SAMM50: variants seen among roughly 807,000 people sequenced by gnomAD.
The protein encoded by SAMM50 is sorting and assembly machinery component 50 homolog.
A neutral mutation model predicts 66.9 loss-of-function variants in SAMM50; 47 were observed. That is an observed-to-expected ratio of 0.70 (90% CI 0.56 to 0.90). SAMM50 has a LOEUF of 0.90. Ranked by LOEUF, SAMM50 falls within the 40% of genes least tolerant of loss-of-function variation. The pLI is 0.00. For missense variants in SAMM50, 535 were observed against 595.3 expected (o/e 0.90, Z 1.05); for synonymous variants, 191 against 214.1 (o/e 0.89, Z 0.94).
chr22:43,973,195 C>A, intron 6 of SAMM50, 41 bp from the exon 7 acceptor site: 1 of 1,387,484 alleles, frequency 7.2e-7, no homozygotes, highest in South Asian at 1.2e-5. Context: ...AAGTTCTAAT[C>A]ACTGTTTCAG....
At chr22:43,993,551 T>C (rs2050337037) in intron 14 of SAMM50, among the ~76,000 whole-genome samples, 1 of 152,236 alleles carries the variant, frequency 6.6e-6, no homozygotes, top group Admixed American at 6.5e-5. Context: ...GCACGTGACA[T>C]TTAAAGACCA....
intron 3 of SAMM50, among the ~76,000 whole-genome samples, chr22:43,966,086 C>T (rs2050171995): frequency 1.3e-5 from 2 of 152,194 alleles, no homozygotes; most frequent in African/African-American, 4.8e-5. Flanking sequence ...GGGGTCCTCC[C>T]AACTTGGCCT....
At chr22:43,989,061 T>A in intron 12 of SAMM50, 50 bp from the exon 13 acceptor site, 1 of 1,577,820 alleles carries the variant, frequency 6.3e-7, no homozygotes, top group Non-Finnish European at 8.6e-7. Context: ...GTTAACGTGA[T>A]GTTAACCTTG....
At chr22:43,956,745 C>T (rs1173389972) in intron 1 of SAMM50, among the ~76,000 whole-genome samples, 1 of 152,172 alleles carries the variant, frequency 6.6e-6, no homozygotes, top group Non-Finnish European at 1.5e-5. Flanking sequence ...GATGAGGAAA[C>T]TTCTCATGCT....
At chr22:43,976,014 G>A in intron 7 of SAMM50, 41 bp from the exon 8 acceptor site, 1 of 1,579,064 alleles carries the variant, frequency 6.3e-7, no homozygotes, top group Non-Finnish European at 8.7e-7. Context: ...AAGTTCCTAA[G>A]TATGTGTGGT....
intron 14 of SAMM50, among the ~76,000 whole-genome samples, chr22:43,992,841 T>A (rs1012429527): frequency 1.3e-5 from 2 of 152,160 alleles, no homozygotes; most frequent in African/African-American, 4.8e-5. Flanking sequence ...GTGGGAGGTG[T>A]TGCCCCTCCC....
intron 1 of SAMM50, among the ~76,000 whole-genome samples, chr22:43,956,468 C>G (rs1021849597): frequency 1.3e-5 from 2 of 152,202 alleles, no homozygotes; most frequent in African/African-American, 4.8e-5. Context: ...ATATGTCTTT[C>G]ATTCAGATCA....
intron 7 of SAMM50, among the ~76,000 whole-genome samples, chr22:43,973,871 C>T (rs2146815217): frequency 6.6e-6 from 1 of 152,254 alleles, no homozygotes; most frequent in South Asian, 2.1e-4. Flanking sequence ...TCTCAGCCTC[C>T]CAAAGTGCTG....
At chr22:43,985,671 G>A (rs1239435137) in intron 12 of SAMM50, among the ~76,000 whole-genome samples, 1 of 151,982 alleles carries the variant, frequency 6.6e-6, no homozygotes, top group African/African-American at 2.4e-5. Context: ...TTCACGCGCA[G>A]GTTGTTGTGG....
chr22:43,981,221 A>C (rs2146821590), intron 10 of SAMM50, among the ~76,000 whole-genome samples, 170 bp from the exon 11 acceptor site: 1 of 152,358 alleles, frequency 6.6e-6, no homozygotes, highest in Non-Finnish European at 1.5e-5. Flanking sequence ...TGGCCCTTCG[A>C]AGGGTAGCTC....
At chr22:43,966,383 G>C (rs149547953) in intron 3 of SAMM50, among the ~76,000 whole-genome samples, 1,685 of 151,806 alleles carry the variant, frequency 0.011, 14 homozygotes, top group Middle Eastern at 0.02. Flanking sequence ...TTGAGACGGA[G>C]TTTCGCTCTT....
At chr22:43,968,155 A>G (rs1054495865) in intron 3 of SAMM50, among the ~76,000 whole-genome samples, 3 of 139,252 alleles carry the variant, frequency 2.2e-5, no homozygotes, top group African/African-American at 7.9e-5. Context: ...TGAACCTGGG[A>G]GGCAGAGGTT....
intron 1 of SAMM50, among the ~76,000 whole-genome samples, chr22:43,957,549 T>C (rs2050126185): frequency 1.3e-5 from 2 of 151,518 alleles, no homozygotes; most frequent in Non-Finnish European, 2.9e-5. Flanking sequence ...CAGCCTCCCA[T>C]GTAGCTGGGA....
At chr22:43,992,196 C>T (rs2050328411) in intron 14 of SAMM50, among the ~76,000 whole-genome samples, 2 of 152,230 alleles carry the variant, frequency 1.3e-5, no homozygotes, top group Admixed American at 1.3e-4. Context: ...CCGTCTTCCG[C>T]ATCAGCATGT....
At chr22:43,965,698 A>G (rs2050169582) in intron 3 of SAMM50, among the ~76,000 whole-genome samples, 1 of 150,690 alleles carries the variant, frequency 6.6e-6, no homozygotes, top group South Asian at 2.1e-4. Flanking sequence ...ATAAACATGT[A>G]TGTTCCTTAA....
In SAMM50 at chr22:43,976,148, A is replaced by G. The variant is rs757758267; in HGVS notation, c.742A>G (p.Lys248Glu). Reference protein sequence around the residue: ...LSRTASFAVRKESGHSLKSSL... With the variant: ...LSRTASFAVREESGHSLKSSL... ...AAGGACGGCGTCATTTGCTGTTCGA[A>G]AAGAAAGCGGACATTCACTGAAATC... Residue 248 changes from lysine to glutamate, a missense_variant, in exon 8 of 15, where the codon AAA becomes GAA. Lys to Glu is a moderately conservative substitution (Grantham distance 56). Coordinates refer to ENST00000350028, the MANE Select transcript of SAMM50 (RefSeq NM_015380.5). The G allele has an allele frequency of 6.2e-7, 1 of 1,609,498 alleles. No individual in the cohort carries two copies. Among genetic ancestry groups the G allele is most frequent in the South Asian group, 1.1e-5 (1 of 90,964 alleles).
intron 10 of SAMM50, among the ~76,000 whole-genome samples, chr22:43,980,473 C>T (rs979342372): frequency 6.6e-6 from 1 of 151,356 alleles, no homozygotes; most frequent in Non-Finnish European, 1.5e-5. Flanking sequence ...GCCCAGAGCA[C>T]GGTGAGGGAG....
chr22:43,972,749 C>G (rs945524534), intron 5 of SAMM50, 122 bp from the exon 6 acceptor site: 1 of 895,834 alleles, frequency 1.1e-6, no homozygotes, highest in African/African-American at 1.7e-5. Flanking sequence ...AAGACTAGAT[C>G]TGTAGTTAGC....
At chr22:43,992,317 G>A (rs555571661) in intron 14 of SAMM50, among the ~76,000 whole-genome samples, 3 of 152,358 alleles carry the variant, frequency 2.0e-5, no homozygotes, top group African/African-American at 4.8e-5. Context: ...TTGCTTCAGC[G>A]GAATCTGCTC....
Sources: gnomAD v4.1 joint callset for allele counts (sites outside exome capture counted in the v4.1 genomes callset) on GRCh38, gnomAD v4.1.1 for gene constraint, MANE v1.5 for transcripts, NCBI Gene and HGNC (gene_info 2026-07-23, HGNC 2026-07-21) for gene names.